MAPK9: variants seen among roughly 807,000 people sequenced by gnomAD.
The protein encoded by MAPK9 is Jun kinase.
A neutral mutation model predicts 57.1 loss-of-function variants in MAPK9; 30 were observed. The observed-to-expected ratio is 0.53, with a 90% confidence interval of 0.39 to 0.71. MAPK9 has a LOEUF of 0.71. Ranked by LOEUF, MAPK9 falls within the 30% of genes least tolerant of loss-of-function variation. The pLI is 0.00. For missense variants in MAPK9, 362 were observed against 521.0 expected, an observed-to-expected ratio of 0.69 and a Z score of 2.97; for synonymous variants, 155 against 177.0, an observed-to-expected ratio of 0.88 and a Z score of 0.99.
At chr5:180,282,151 C>A (rs894053288) in intron 1 of MAPK9, among the ~76,000 whole-genome samples, 2 of 152,172 alleles carry the variant, frequency 1.3e-5, no homozygotes, top group Non-Finnish European at 2.9e-5. Flanking sequence ...GTCTTTGGGG[C>A]ACTGTGAGCA....
intron 1 of MAPK9, among the ~76,000 whole-genome samples, chr5:180,290,254 TCTCAA>T (rs1390243916): frequency 2.0e-5 from 3 of 152,186 alleles, no homozygotes; most frequent in African/African-American, 7.2e-5. Context: ...CCAGACTGAT[TCTCAA>T]CTCCACAGTG....
chr5:180,248,929 A>G, intron 6 of MAPK9, 44 bp downstream of exon 6: 1 of 1,552,500 alleles, frequency 6.4e-7, no homozygotes, highest in South Asian at 1.2e-5. Flanking sequence ...CCGCTAGAGC[A>G]ATTTCTAAAC....
chr5:180,264,264 C>T (rs758847501), intron 4 of MAPK9, among the ~76,000 whole-genome samples: 1 of 152,284 alleles, frequency 6.6e-6, no homozygotes, highest in Non-Finnish European at 1.5e-5. Flanking sequence ...AGAGAGTGCC[C>T]AGCACACAGA....
chr5:180,242,884 A>C (rs1757776608), intron 7 of MAPK9, 129 bp from the exon 8 acceptor site: 2 of 629,528 alleles, frequency 3.2e-6, no homozygotes, highest in Non-Finnish European at 5.2e-6. Context: ...GAATTTTGAA[A>C]TAATATTCAA....
At chr5:180,265,939 T>A (rs976593297) in intron 3 of MAPK9, among the ~76,000 whole-genome samples, 1 of 152,018 alleles carries the variant, frequency 6.6e-6, no homozygotes, top group African/African-American at 2.4e-5. Flanking sequence ...ATTTATATAA[T>A]CCTAGCGTAG....
intron 2 of MAPK9, among the ~76,000 whole-genome samples, chr5:180,270,019 C>G (rs1165278476): frequency 6.6e-6 from 1 of 152,196 alleles, no homozygotes; most frequent in Non-Finnish European, 1.5e-5. Context: ...AGAATAAAAT[C>G]TACAGGCTGT....
chr5:180,259,382 G>C (rs1387460055), intron 5 of MAPK9, among the ~76,000 whole-genome samples: 1 of 151,922 alleles, frequency 6.6e-6, no homozygotes, highest in East Asian at 1.9e-4. Flanking sequence ...TTGACCGTAA[G>C]GGATGTGGTC....
intron 9 of MAPK9, 56 bp downstream of exon 9, chr5:180,240,975 C>T (rs562837507): frequency 1.3e-6 from 2 of 1,558,174 alleles, no homozygotes. Context: ...CAGACAAGAT[C>T]CAAGGAAATA....
At chr5:180,266,576 C>A (rs147432774) in intron 3 of MAPK9, among the ~76,000 whole-genome samples, 1 of 152,100 alleles carries the variant, frequency 6.6e-6, no homozygotes, top group East Asian at 1.9e-4. Context: ...CCTTGGCCTC[C>A]CAAAGTGTTG....
At chr5:180,289,639 AGTATCTG>A (rs1326588890) in intron 1 of MAPK9, among the ~76,000 whole-genome samples, 1 of 151,998 alleles carries the variant, frequency 6.6e-6, no homozygotes, top group East Asian at 1.9e-4. Context: ...CAATCAAATG[AGTATCTG>A]GGCTGGCACC....
intron 11 of MAPK9, 45 bp downstream of exon 11, chr5:180,238,287 T>A: frequency 2.0e-6 from 3 of 1,494,782 alleles, no homozygotes; most frequent in Admixed American, 1.9e-5. Context: ...AAAAGTTGAA[T>A]AGGGAAAGAA....
chr5:180,263,984 C>T (rs1358014944), intron 4 of MAPK9, among the ~76,000 whole-genome samples: 4 of 152,168 alleles, frequency 2.6e-5, no homozygotes, highest in South Asian at 2.1e-4. Flanking sequence ...GGATTATAGG[C>T]GTGAGCCACC....
At chr5:180,261,654 T>TA (rs1180615234) in intron 5 of MAPK9, 30 bp downstream of exon 5, 1 of 1,553,994 alleles carries the variant, frequency 6.4e-7, no homozygotes, top group Non-Finnish European at 8.7e-7. Context: ...TGATTGTTTT[T>TA]AAAAATAAAA....
chr5:180,241,384 A>G (rs1285087085), intron 8 of MAPK9, among the ~76,000 whole-genome samples: 1 of 147,726 alleles, frequency 6.8e-6, no homozygotes, highest in East Asian at 2.0e-4. Flanking sequence ...TGCAAGTTCC[A>G]CCTCCCGGGT....
At chr5:180,269,165 A>G (rs1561828904) in intron 3 of MAPK9, 115 bp downstream of exon 3, 1 of 1,177,510 alleles carries the variant, frequency 8.5e-7, no homozygotes, top group Non-Finnish European at 1.2e-6. Context: ...GTTAATAGCC[A>G]TTTTTATCCT....
At chr5:180,260,004 T>C (rs1759754461) in intron 5 of MAPK9, among the ~76,000 whole-genome samples, 1 of 152,228 alleles carries the variant, frequency 6.6e-6, no homozygotes, top group Non-Finnish European at 1.5e-5. Context: ...ATAACATGCA[T>C]ATGAGGAATG....
chr5:180,281,060 C>T (rs563566682), intron 1 of MAPK9, among the ~76,000 whole-genome samples: 73 of 152,192 alleles, frequency 4.8e-4, no homozygotes, highest in Non-Finnish European at 8.2e-4. Flanking sequence ...GTCTTCTGCT[C>T]AGTGTATAGA....
intron 11 of MAPK9, chr5:180,236,874 T>A (rs1757215607): frequency 6.1e-6 from 1 of 163,916 alleles, no homozygotes; most frequent in Non-Finnish European, 1.3e-5. Flanking sequence ...AAATGCAGTA[T>A]CACAAAAGCT....
rs575791991 is a variant in MAPK9, at chr5:180,252,315, C to T, written c.451-3177G>A. 2.0e-3 allele frequency among the ~76,000 whole-genome samples: 298 copies of T among 152,308 alleles called. 1 individual carries two copies. Among genetic ancestry groups the T allele is most frequent in the African/African-American group, 6.9e-3 (288 of 41,558 alleles). ...GACCTGAGGCCTTATTAATCTGCTC[C>T]AGCAACAACTGCACCTTGACATGCA... is the stretch of plus-strand genomic sequence containing the variant. On this transcript the variant is annotated intron_variant, in intron 5 of 11. Transcript: ENST00000452135.
Sources: allele counts gnomAD v4.1 joint callset (sites outside exome capture counted in the v4.1 genomes callset), GRCh38; gene constraint gnomAD v4.1.1; transcripts MANE v1.5; gene names NCBI Gene and HGNC (gene_info 2026-07-23, HGNC 2026-07-21).